Variants in JHY observed in about 807,000 individuals in gnomAD.
JHY encodes junctional cadherin complex regulator, also known as jhy protein homolog.
A neutral mutation model predicts 78.0 loss-of-function variants in JHY; 69 were observed. That is an observed-to-expected ratio of 0.88 (90% CI 0.73 to 1.08). The LOEUF (loss-of-function observed/expected upper bound fraction) is 1.08, where lower values mean the gene tolerates loss of function less well. JHY is among the 50% of genes least tolerant of loss of function. The pLI, the probability that JHY is intolerant of heterozygous loss-of-function variation, is 0.00. For synonymous variants in JHY, 368 were observed against 342.6 expected, an observed-to-expected ratio of 1.07 and a Z score of -0.82; for missense variants, 944 against 927.8, an observed-to-expected ratio of 1.02 and a Z score of -0.23.
rs1862432447 is a variant in JHY, at chr11:122,883,570, T to C, written c.-90+598T>C. Among the ~76,000 whole-genome samples, 1 of 151,988 alleles carries C rather than the reference T, an allele frequency of 6.6e-6. No individual in the cohort carries two copies. The highest frequency in any genetic ancestry group is 2.1e-4 in the South Asian group (1 of 4,820). On this transcript the variant is annotated intron_variant, in intron 1 of 8. Transcript: ENST00000227349. This position sits in a 1 kb window ranked among gnomAD's most constrained non-coding sequence, Gnocchi z 4.4. ...ACTAGTCACCTCTCTTGGTCAGAAA[T>C]TTCAGCGGCACAACCTTTTTTTTTT...
rs138459264 is a variant in JHY at position 122,946,744 on chromosome 11, G to C, written c.1881G>C (p.Leu627=). Residue 627 remains leucine (L), a synonymous_variant, in exon 6 of 9, where the codon CTG becomes CTC. Coordinates refer to ENST00000227349, the MANE Select transcript of JHY (RefSeq NM_024806.4). ...GCCGTAGCAATTCTGAAGGCTATCT[G>C]TTTCAACTGGAAAAGGGAAAAAAGC... ...KISRSNSEGY[L]FQLEKGKKHK... is the part of the protein sequence containing the mutation. 3.1e-6 allele frequency: 5 copies of C among 1,613,422 alleles called. No homozygotes were observed. In the African/African-American group the frequency reaches 5.3e-5, roughly 17 times the overall value.
intron 8 of JHY, 95 bp downstream of exon 8, chr11:122,957,586 A>G: frequency 7.7e-7 from 1 of 1,292,434 alleles, no homozygotes. Flanking sequence ...TTAGCCACAG[A>G]GTCTTGCCGT....
At chr11:122,894,453 T>C (rs1027066129) in intron 2 of JHY, among the ~76,000 whole-genome samples, 12 of 152,168 alleles carry the variant, frequency 7.9e-5, no homozygotes, top group Admixed American at 2.0e-4. Flanking sequence ...TTTTGGAGAA[T>C]GAAAAAAACA....
In JHY at chr11:122,938,106, T is replaced by C. The variant is rs191770423; in HGVS notation, c.1634+3031T>C. 1.5e-3 allele frequency among the ~76,000 whole-genome samples: 230 copies of C among 152,276 alleles called. 1 individual carries two copies. The highest frequency in any genetic ancestry group is 5.3e-3 in the African/African-American group (220 of 41,574). ...GTGAAATTTCATAATATTGCGCCTTTGTATAGGTCTGTTTTCATAGATTGA... is the reference window on the plus strand; with the variant it reads ...GTGAAATTTCATAATATTGCGCCTTCGTATAGGTCTGTTTTCATAGATTGA... On this transcript the variant is annotated intron_variant, in intron 5 of 8. Coordinates refer to ENST00000227349, the MANE Select transcript of JHY (RefSeq NM_024806.4).
At position 122,959,431 on chromosome 11, in the gene JHY, C is replaced by T. The variant is rs753561543; in HGVS notation, c.2323C>T (p.Leu775Phe). The change falls in exon 9 of 9, where the codon CTT becomes TTT. Residue 775 changes from leucine (L) to phenylalanine (F), a missense_variant. Transcript: ENST00000227349. ...EKQAVAAFKVLHIV is the reference protein window; with the variant it reads ...EKQAVAAFKVFHIV ...ACAGGCTGTGGCTGCTTTCAAAGTC[C>T]TTCACATCGTATAGACAACATTTGA... 1.2e-6 allele frequency: 2 copies of T among 1,613,974 alleles called. No homozygotes were observed. The highest frequency in any genetic ancestry group is 1.3e-5 in the African/African-American group (1 of 74,928).
In JHY at chr11:122,886,093, TGGG is replaced by T. The variant is rs1382476709; in HGVS notation, c.246_248del (p.Trp82_Gly83delinsTer). On this transcript the variant is annotated stop_gained and inframe_deletion, in exon 2 of 9. Transcript: ENST00000227349. LOFTEE classifies it high-confidence loss of function. ...CTTAGACGAGGAGGAAAGCCCTCGA[TGGG>T]GAAGCCTGCACGAGATGGAAGAGGA... is the stretch of plus-strand genomic sequence containing the variant. The T allele has an allele frequency of 6.2e-7, 1 of 1,614,046 alleles. No individual in the cohort carries two copies.
At chr11:122,891,901 T>C (rs1170319676) in intron 2 of JHY, among the ~76,000 whole-genome samples, 1 of 152,236 alleles carries the variant, frequency 6.6e-6, no homozygotes, top group East Asian at 1.9e-4. Flanking sequence ...GATAGAGGAT[T>C]CTATTTCACT....
In JHY at chr11:122,949,046, T is replaced by A. The variant is rs1864029134; in HGVS notation, c.1929+2254T>A. Reference sequence around the variant, plus strand: ...TTGCAGTGAGCCGAGATTGCGCCACTGCACTCCAGCCTGGGGGACAGAGTG... The same window carrying A: ...TTGCAGTGAGCCGAGATTGCGCCACAGCACTCCAGCCTGGGGGACAGAGTG... On this transcript the variant is annotated intron_variant, in intron 6 of 8. Coordinates refer to ENST00000227349, the MANE Select transcript of JHY (RefSeq NM_024806.4). Among the ~76,000 whole-genome samples the A allele has an allele frequency of 4.0e-5, 6 of 150,288 alleles. No homozygotes were observed. In the South Asian group the frequency reaches 1.3e-3, roughly 32 times the overall value.
At position 122,898,230 on chromosome 11, in the gene JHY, G is replaced by C. The variant is rs375659353; in HGVS notation, c.345-5695G>C. Among the ~76,000 whole-genome samples, 236 of 152,268 alleles carry C rather than the reference G, an allele frequency of 1.5e-3. 2 individuals carry two copies. Among genetic ancestry groups the C allele is most frequent in the African/African-American group, 5.4e-3 (223 of 41,560 alleles). ...GCCTAAGATTCTGCCTGTATGTAGG[G>C]AGGTGTTCCATGCTTATCTGTTGAC... On this transcript the variant is annotated intron_variant, in intron 2 of 8. Transcript: ENST00000227349. The surrounding 1 kb of genome is among the most constrained non-coding windows in gnomAD (Gnocchi z 4.4).
chr11:122,946,479 CTTT>C lies in JHY; in HGVS notation c.1635-10_1635-8del. On this transcript the variant is annotated splice_polypyrimidine_tract_variant and intron_variant, in intron 5 of 8. Transcript: ENST00000227349. The stretch of plus-strand genomic sequence containing the variant: ...TTGGATTTTATTAATAGATTTGTGC[CTTT>C]TTTTTTTTCATTAAGGAAATTCCAT... 2 of 1,151,846 alleles carry C rather than the reference CTTT, an allele frequency of 1.7e-6. No individual in the cohort carries two copies. Among genetic ancestry groups the C allele is most frequent in the Non-Finnish European group, 1.2e-6 (1 of 850,518 alleles). 71.4% of individuals were successfully genotyped at this position (1,151,846 alleles called of 1,614,324 possible). A position where few individuals can be genotyped will look rare whatever the true frequency, so the allele number is the denominator to read the frequency against.
At position 122,924,901 on chromosome 11, in the gene JHY, C is replaced by G; in HGVS notation, c.869C>G (p.Ser290Cys). Residue 290 changes from serine to cysteine, a missense_variant, in exon 4 of 9, where the codon TCC (serine) becomes TGC (cysteine). By Grantham distance (112) the Ser-to-Cys change is moderately radical. Coordinates refer to ENST00000227349, the MANE Select transcript of JHY (RefSeq NM_024806.4). ...KRGESHPEQI[S>C]YPVRVTDKTS... ...GTATGTGTTTTACCTACCTAGATCTCCTACCCCGTCAGAGTAACAGACAAG... is the reference window on the plus strand; with the variant it reads ...GTATGTGTTTTACCTACCTAGATCTGCTACCCCGTCAGAGTAACAGACAAG... 2 of 1,612,368 alleles carry G rather than the reference C, an allele frequency of 1.2e-6. No individual in the cohort carries two copies. The highest frequency in any genetic ancestry group is 1.7e-6 in the Non-Finnish European group (2 of 1,178,482).
chr11:122,959,565 A>C lies in JHY; in HGVS notation c.*120A>C. ...TATTATTATCATCTATCTGCCGTCC[A>C]TGTTTGCTTTCTGCAGGATTTAAAA... On this transcript the variant is annotated 3_prime_UTR_variant, in exon 9 of 9. Coordinates refer to ENST00000227349, the MANE Select transcript of JHY (RefSeq NM_024806.4). The C allele has an allele frequency of 1.0e-6, 1 of 993,498 alleles. No individual in the cohort carries two copies. The highest frequency in any genetic ancestry group is 2.7e-5 in the East Asian group (1 of 37,634). The allele number at this position is 993,498 out of a possible 1,614,324, so 61.5% of individuals were successfully genotyped here.
rs1224426825 is a variant in JHY, at chr11:122,903,909, C to T, written c.345-16C>T. On this transcript the variant is annotated splice_polypyrimidine_tract_variant and intron_variant, in intron 2 of 8. Coordinates refer to ENST00000227349, the MANE Select transcript of JHY (RefSeq NM_024806.4). ...TTTCAACTAAGGACTTGGCATTTCT[C>T]TTCTGCTTTGGGCAGGCAACAACCA... 2 of 1,543,432 alleles carry T rather than the reference C, an allele frequency of 1.3e-6. No individual in the cohort carries two copies.
At chr11:122,908,664 G>A (rs747120600) in intron 3 of JHY, among the ~76,000 whole-genome samples, 3 of 152,198 alleles carry the variant, frequency 2.0e-5, no homozygotes, top group Non-Finnish European at 2.9e-5. Flanking sequence ...GAGGCGGGAA[G>A]CTTGGGTACC....
At chr11:122,953,004 A>G (rs1228777226) in intron 6 of JHY, among the ~76,000 whole-genome samples, 1 of 152,234 alleles carries the variant, frequency 6.6e-6, no homozygotes, top group Non-Finnish European at 1.5e-5. Flanking sequence ...TACCCAGTAT[A>G]ATCAAGGTTT....
chr11:122,963,559 T>C lies in JHY; in HGVS notation c.*4114T>C, dbSNP rs867767196. Among the ~76,000 whole-genome samples the C allele has an allele frequency of 1.5e-4, 23 of 152,292 alleles. No homozygotes were observed. The highest frequency in any genetic ancestry group is 3.4e-3 in the Middle Eastern group (1 of 294). On this transcript the variant is annotated 3_prime_UTR_variant, in exon 9 of 9. Transcript: ENST00000227349. The stretch of plus-strand genomic sequence containing the variant: ...TACCATAAAACTAAGGGGAGAGATT[T>C]TGCAAAAACAGGGAGTGACAGACAC...
At position 122,885,865 on chromosome 11, in the gene JHY, C is replaced by G. The variant is rs771890205; in HGVS notation, c.16C>G (p.Leu6Val). 3 of 1,607,262 alleles carry G rather than the reference C, an allele frequency of 1.9e-6. No individual in the cohort carries two copies. The highest frequency in any genetic ancestry group is 2.7e-5 in the African/African-American group (2 of 74,654). The part of the protein sequence containing the change: MSKRK[L>V]IPKLSIQSPV... ...ATTTTTCAAGATGAGTAAACGTAAACTAATTCCCAAGCTCTCTATTCAATC... is the reference window on the plus strand; with the variant it reads ...ATTTTTCAAGATGAGTAAACGTAAAGTAATTCCCAAGCTCTCTATTCAATC... The change falls in exon 2 of 9, where the codon CTA becomes GTA. Residue 6 changes from leucine (L) to valine (V), a missense_variant. Physicochemically the swap from Leu to Val is conservative, Grantham distance 32. Transcript: ENST00000227349.
chr11:122,883,296 A>G lies in JHY; in HGVS notation c.-90+324A>G, dbSNP rs1862424243. On this transcript the variant is annotated intron_variant, in intron 1 of 8. Coordinates refer to ENST00000227349, the MANE Select transcript of JHY (RefSeq NM_024806.4). The surrounding 1 kb of genome is among the most constrained non-coding windows in gnomAD (Gnocchi z 4.4). ...CCCCTTGTGACAGGCCTTGTTCCTC[A>G]GGAACAAGCAAAGGTAGAAAACCGA... Among the ~76,000 whole-genome samples the G allele has an allele frequency of 6.6e-6, 1 of 152,168 alleles. No individual in the cohort carries two copies. The highest frequency in any genetic ancestry group is 2.1e-4 in the South Asian group (1 of 4,830).
chr11:122,934,174 T>C (rs1013879746), intron 4 of JHY, among the ~76,000 whole-genome samples: 2 of 152,074 alleles, frequency 1.3e-5, no homozygotes, highest in Non-Finnish European at 2.9e-5. Context: ...CCTAGAAGTC[T>C]CAACCCCCAA....
Sources: gnomAD v4.1 joint callset for allele counts (sites outside exome capture counted in the v4.1 genomes callset) on GRCh38, gnomAD v4.1.1 for gene constraint, Gnocchi (gnomAD v3.1) non-coding constraint, MANE v1.5 for transcripts, NCBI Gene and HGNC (gene_info 2026-07-23, HGNC 2026-07-21) for gene names.